The following CLBA1 variants were observed in gnomAD, a reference collection of about 807,000 sequenced individuals.
CLBA1 encodes the protein uncharacterized protein CLBA1.
In CLBA1, 30 loss-of-function variants were observed where a neutral mutation model predicts 28.8. The observed-to-expected ratio is 1.04, with a 90% CI of 0.78 to 1.41. CLBA1 has a LOEUF of 1.41. CLBA1 is among the 40% of genes most tolerant of loss of function. CLBA1 has a pLI of 0.00. For missense variants in CLBA1, 451 were observed against 412.3 expected, an observed-to-expected ratio of 1.09 and a Z score of -0.81; for synonymous variants, 160 against 152.8, an observed-to-expected ratio of 1.05 and a Z score of -0.35.
rs869117577 is a variant in CLBA1 at position 104,987,606 on chromosome 14, CTTTTTTTTTT to C, written c.423+774_423+783del. Among the ~76,000 whole-genome samples the C allele has an allele frequency of 2.8e-4, 17 of 60,006 alleles. No homozygotes were observed. In the East Asian group the frequency reaches 6.2e-3, roughly 22 times the overall value. The allele number at this position is 60,006 out of a possible 152,430, so 39.4% of individuals were successfully genotyped here. ...GGCTGGCCTGTTTTCTCTTCCTTTT[CTTTTTTTTTT>C]TTTTTTTTTTTTTTTTTTTTTGAGA... On this transcript the variant is annotated intron_variant, in intron 1 of 4. Transcript: ENST00000547315.
In CLBA1 at chr14:104,995,353, C is replaced by T. The variant is rs752301996; in HGVS notation, c.*594C>T. The T allele has an allele frequency of 1.0e-6, 1 of 985,454 alleles. No individual in the cohort carries two copies. Among genetic ancestry groups the T allele is most frequent in the Non-Finnish European group, 1.2e-6 (1 of 829,972 alleles). The allele number at this position is 985,454 out of a possible 1,614,324, so 61.0% of individuals were successfully genotyped here. ...GCCTCAAGGACAGGCCTTTGTCCCT[C>T]ACGGTTGTGGACAGGAGGTCGCACC... On this transcript the variant is annotated 3_prime_UTR_variant, in exon 5 of 5. Coordinates refer to ENST00000547315, the MANE Select transcript of CLBA1 (RefSeq NM_174891.4).
Position 104,991,527 on chromosome 14 carries a change from C to T in CLBA1, c.606C>T (p.Ser202=). ...ESRKLWRALQ[S]IHTTSTSQRL... is the part of the protein sequence containing the mutation. ...GAAAACTCTGGAGAGCCCTTCAGAG[C>T]ATACACACCACGTCTACTTCTCAGC... Residue 202 remains serine, a synonymous_variant, in exon 3 of 5, where the codon AGC becomes AGT. Transcript: ENST00000547315. 1.2e-6 allele frequency: 2 copies of T among 1,614,062 alleles called. No individual in the cohort carries two copies. Among genetic ancestry groups the T allele is most frequent in the Middle Eastern group, 1.6e-4 (1 of 6,062 alleles).
intron 3 of CLBA1, among the ~76,000 whole-genome samples, chr14:104,992,483 G>C (rs1158278451): frequency 6.6e-6 from 1 of 152,256 alleles, no homozygotes; most frequent in East Asian, 1.9e-4. Context: ...CATGAAAATG[G>C]TTGCCCTGTT....
At chr14:104,998,607 C>T (rs1416466821), downstream of CLBA1, among the ~76,000 whole-genome samples, 1 of 152,084 alleles carries the variant, frequency 6.6e-6, no homozygotes, top group African/African-American at 2.4e-5. Context: ...CTTAATAGGC[C>T]CTGAAGTAGC....
intron 2 of CLBA1, among the ~76,000 whole-genome samples, chr14:105,001,056 C>T (rs948871370): frequency 2.5e-5 from 3 of 121,366 alleles, no homozygotes; most frequent in Non-Finnish European, 3.4e-5. Context: ...CAATGGGATA[C>T]TATTCAGCTG....
In CLBA1 at chr14:104,992,040, G is replaced by A. The variant is rs565446640; in HGVS notation, c.699+420G>A. ...CATGCCGCCATGCACACGCCGCCAC[G>A]CACACGCCACCACGCACACGCCGCC... On this transcript the variant is annotated intron_variant, in intron 3 of 4. Transcript: ENST00000547315. 5.6e-3 allele frequency among the ~76,000 whole-genome samples: 741 copies of A among 133,298 alleles called. 8 individuals carry two copies. Among genetic ancestry groups the A allele is most frequent in the African/African-American group, 0.02 (690 of 34,414 alleles). The allele number at this position is 133,298 out of a possible 152,430, so 87.4% of individuals were successfully genotyped here.
rs995977243 is a variant in CLBA1, at chr14:104,989,303, C to T, written c.569+215C>T. Reference sequence around the variant, plus strand: ...TCTGAGCCCTATTCATCCTCCTCCCCAGCCAGCTCACCTGGAGCAGCTGGA... The same window carrying T: ...TCTGAGCCCTATTCATCCTCCTCCCTAGCCAGCTCACCTGGAGCAGCTGGA... On this transcript the variant is annotated intron_variant, in intron 2 of 4. Transcript: ENST00000547315. 3.8e-5 allele frequency: 20 copies of T among 529,224 alleles called. No individual in the cohort carries two copies. In the Admixed American group the frequency reaches 5.4e-4, roughly 14 times the overall value. The allele number at this position is 529,224 out of a possible 1,614,324, so 32.8% of individuals were successfully genotyped here.
At position 104,988,946 on chromosome 14, in the gene CLBA1, A is replaced by G. The variant is rs761689231; in HGVS notation, c.427A>G (p.Ile143Val). 5.0e-6 allele frequency: 8 copies of G among 1,605,272 alleles called. No individual in the cohort carries two copies. In the South Asian group the frequency reaches 6.7e-5, roughly 14 times the overall value. ...GCTTTTCTTCTTTTCTTTTCAGCCC[A>G]TTCTCAGCTATGAGAACATTTTAAA... ...GTSAVPPSEP[I>V]LSYENILKCA... is the part of the protein sequence containing the mutation. Residue 143 changes from isoleucine (I) to valine (V), a missense_variant, in exon 2 of 5, where the codon ATT becomes GTT. Transcript: ENST00000547315.
intron 3 of CLBA1, among the ~76,000 whole-genome samples, chr14:104,992,049 ACCACGCACACGCCG>A (rs1159767585): frequency 6.8e-5 from 9 of 132,342 alleles, no homozygotes; most frequent in South Asian, 2.5e-4. Context: ...CGCACACGCC[ACCACGCACACGCCG>A]CCACGCACAC....
downstream of CLBA1, among the ~76,000 whole-genome samples, chr14:104,998,917 G>T (rs1900213673): frequency 1.3e-5 from 2 of 152,258 alleles, no homozygotes; most frequent in African/African-American, 4.8e-5. Context: ...ACTGATGGAG[G>T]ACCAGACCCA....
chr14:104,995,296 C>T lies in CLBA1; in HGVS notation c.*537C>T, dbSNP rs558218686. On this transcript the variant is annotated 3_prime_UTR_variant, in exon 5 of 5. Transcript: ENST00000547315. ...CTGTGTCCTCAGAGCCTCGCAGGTG[C>T]CCTCACTTACTGCCTGGGCCCCTGC... The T allele has an allele frequency of 2.9e-5, 29 of 985,474 alleles. 1 individual carries two copies. The South Asian group carries it at 1.2e-3, about 40-fold the overall frequency. The allele number at this position is 985,474 out of a possible 1,614,324, so 61.0% of individuals were successfully genotyped here.
intron 1 of CLBA1, 131 bp downstream of exon 1, chr14:104,986,985 G>C: frequency 9.1e-7 from 1 of 1,103,560 alleles, no homozygotes; most frequent in Non-Finnish European, 1.3e-6. Context: ...CTTCTCTCCT[G>C]GCCTTCGTCC....
At chr14:104,992,920 G>A (rs201325152) in intron 3 of CLBA1, 28 bp from the exon 4 acceptor site, 19 of 1,519,408 alleles carry the variant, frequency 1.3e-5, no homozygotes, top group East Asian at 2.2e-5. Context: ...TGACTGTACC[G>A]GCTGTCTGAT....
intron 3 of CLBA1, among the ~76,000 whole-genome samples, chr14:104,992,101 C>CATGCCGCCATG (rs1823090206): frequency 6.8e-6 from 1 of 147,992 alleles, no homozygotes; most frequent in South Asian, 2.2e-4. Context: ...TCACACACCA[C>CATGCCGCCATG]CACATGCCGC....
In CLBA1 at chr14:104,994,596, A is replaced by G. The variant is rs201063085; in HGVS notation, c.817-2A>G. ...CGCCTGACTGCTGTCCTCTCATCTCAGCTCTCGGGGCCGCCTGGCAGCAAA... is the reference window on the plus strand; with the variant it reads ...CGCCTGACTGCTGTCCTCTCATCTCGGCTCTCGGGGCCGCCTGGCAGCAAA... On this transcript the variant is annotated splice_acceptor_variant, in intron 4 of 4. Transcript: ENST00000547315. LOFTEE classifies it high-confidence loss of function. 139 of 1,604,474 alleles carry G rather than the reference A, an allele frequency of 8.7e-5. No individual in the cohort carries two copies. The highest frequency in any genetic ancestry group is 8.5e-5 in the Admixed American group (5 of 58,770).
chr14:104,999,331 A>G, downstream of CLBA1: 1 of 758,984 alleles, frequency 1.3e-6, no homozygotes, highest in East Asian at 1.3e-4. Context: ...CGTCAGCCAC[A>G]TCAGAGGCCA....
chr14:104,991,943 C>T (rs566909791), intron 3 of CLBA1, among the ~76,000 whole-genome samples: 1 of 150,720 alleles, frequency 6.6e-6, no homozygotes, highest in African/African-American at 2.4e-5. Context: ...CATGCCACCA[C>T]GCACACGCCG....
intron 1 of CLBA1, among the ~76,000 whole-genome samples, chr14:104,987,320 A>T (rs756546096): frequency 6.6e-6 from 1 of 152,234 alleles, no homozygotes; most frequent in African/African-American, 2.4e-5. Context: ...GGGAGCTTGT[A>T]ATGAATTGGG....
intron 3 of CLBA1, 53 bp from the exon 4 acceptor site, chr14:104,992,895 C>G: frequency 7.2e-7 from 1 of 1,395,464 alleles, no homozygotes. Context: ...GAAAAGGAAA[C>G]AGGAGACAAA....
Sources: allele counts gnomAD v4.1 joint callset (sites outside exome capture counted in the v4.1 genomes callset), GRCh38; gene constraint gnomAD v4.1.1; transcripts MANE v1.5; gene names NCBI Gene and HGNC (gene_info 2026-07-23, HGNC 2026-07-21).